The following FAT3 variants were observed in gnomAD, a reference collection of about 807,000 sequenced individuals.
FAT3 encodes FAT atypical cadherin 3.
Under a neutral mutation model 310.2 loss-of-function variants are expected in FAT3, and 95 were observed. That is an observed-to-expected ratio of 0.31 (90% CI 0.26 to 0.36). The LOEUF (loss-of-function observed/expected upper bound fraction) is 0.36, where lower values mean the gene tolerates loss of function less well. Ranked by LOEUF, FAT3 falls within the 10% of genes least tolerant of loss-of-function variation. The pLI is 1.00. For missense variants in FAT3, 5,408 were observed against 5,715.6 expected (o/e 0.95, Z 1.74); for synonymous variants, 2,314 against 2,192.9 (o/e 1.06, Z -1.54).
intron 6 of FAT3, among the ~76,000 whole-genome samples, chr11:92,771,329 A>G (rs543196797): frequency 9.9e-5 from 15 of 152,272 alleles, no homozygotes; most frequent in Non-Finnish European, 1.9e-4. Flanking sequence ...TTCCTATGAA[A>G]CTGAAATCAC....
At chr11:92,721,716 C>T (rs186048385) in intron 4 of FAT3, among the ~76,000 whole-genome samples, 1 of 152,218 alleles carries the variant, frequency 6.6e-6, no homozygotes, top group African/African-American at 2.4e-5. Flanking sequence ...ATAACTGAGA[C>T]TGGGCAATTT....
chr11:92,891,344 A>G lies in FAT3; in HGVS notation c.*231A>G. On this transcript the variant is annotated 3_prime_UTR_variant, in exon 28 of 28. Transcript: ENST00000525166. ...AGAGGTGACTGGTAATCCTTGATGT[A>G]GGTACCTATGTTCACAGCTAAAAAT... The G allele has an allele frequency of 3.4e-6, 2 of 588,586 alleles. No individual in the cohort carries two copies. The highest frequency in any genetic ancestry group is 3.7e-5 in the African/African-American group (2 of 53,604). 36.5% of individuals were successfully genotyped at this position (588,586 alleles called of 1,614,324 possible). A position where few individuals can be genotyped will look rare whatever the true frequency, so the allele number is the denominator to read the frequency against.
intron 2 of FAT3, among the ~76,000 whole-genome samples, chr11:92,464,064 G>A (rs574705231): frequency 7.2e-5 from 11 of 152,134 alleles, no homozygotes; most frequent in Non-Finnish European, 1.5e-4. Context: ...CAGATGCTGG[G>A]GATCCAAAGA....
chr11:92,524,568 T>G, intron 2 of FAT3, 66 bp from the exon 3 acceptor site: 1 of 1,489,040 alleles, frequency 6.7e-7, no homozygotes, highest in Non-Finnish European at 9.1e-7. Flanking sequence ...TCCTTTGGAA[T>G]TTGAGATTAT....
intron 2 of FAT3, among the ~76,000 whole-genome samples, chr11:92,423,193 C>T (rs1329538388): frequency 6.6e-6 from 1 of 152,108 alleles, no homozygotes; most frequent in Non-Finnish European, 1.5e-5. Context: ...CAGCAAAATA[C>T]ACTGGACAGC....
intron 2 of FAT3, among the ~76,000 whole-genome samples, chr11:92,471,904 C>T (rs1264775339): frequency 2.3e-5 from 3 of 127,708 alleles, no homozygotes; most frequent in African/African-American, 9.0e-5. Flanking sequence ...AAAGACCCTA[C>T]TTTTCATATG....
chr11:92,626,839 A>C (rs1318687223), intron 3 of FAT3, among the ~76,000 whole-genome samples: 1 of 152,110 alleles, frequency 6.6e-6, no homozygotes, highest in Non-Finnish European at 1.5e-5. Context: ...TGCTTATTCC[A>C]CTTCTCATGA....
At chr11:92,637,275 A>C (rs1941799018) in intron 3 of FAT3, among the ~76,000 whole-genome samples, 1 of 152,202 alleles carries the variant, frequency 6.6e-6, no homozygotes, top group Non-Finnish European at 1.5e-5. Flanking sequence ...GACTTCTTGC[A>C]TACTCTTTCT....
chr11:92,271,519 T>C (rs1946121743), intron 1 of FAT3, among the ~76,000 whole-genome samples: 1 of 152,166 alleles, frequency 6.6e-6, no homozygotes, highest in African/African-American at 2.4e-5. Flanking sequence ...AAATGGACTG[T>C]TTATATGTTG....
chr11:92,814,210 G>A (rs1719267810), intron 13 of FAT3, among the ~76,000 whole-genome samples: 1 of 152,180 alleles, frequency 6.6e-6, no homozygotes, highest in African/African-American at 2.4e-5. Context: ...GATTAAGACA[G>A]CCAGCGATTG....
At chr11:92,560,400 G>A (rs1955180406) in intron 3 of FAT3, among the ~76,000 whole-genome samples, 1 of 151,818 alleles carries the variant, frequency 6.6e-6, no homozygotes. Flanking sequence ...TTCTTGATAG[G>A]GGCATTTGAA....
chr11:92,752,557 T>A (rs1258413771), intron 4 of FAT3, among the ~76,000 whole-genome samples: 1 of 152,208 alleles, frequency 6.6e-6, no homozygotes, highest in East Asian at 1.9e-4. Flanking sequence ...CAGCCTAGGG[T>A]AGGGAGCCAA....
At chr11:92,880,974 CA>C in intron 23 of FAT3, 90 bp downstream of exon 23, 2 of 1,399,740 alleles carry the variant, frequency 1.4e-6, no homozygotes, top group Non-Finnish European at 9.8e-7. Context: ...AAATATTTAC[CA>C]CTAATAGTAC....
intron 2 of FAT3, among the ~76,000 whole-genome samples, chr11:92,450,777 C>G (rs1174359791): frequency 1.3e-5 from 2 of 152,236 alleles, no homozygotes; most frequent in East Asian, 1.9e-4. Flanking sequence ...TACTATGGAA[C>G]AGTTATAGAT....
intron 4 of FAT3, among the ~76,000 whole-genome samples, chr11:92,743,869 T>C (rs1945577335): frequency 6.6e-6 from 1 of 152,140 alleles, no homozygotes; most frequent in Non-Finnish European, 1.5e-5. Context: ...AGTTAGTACA[T>C]ACAGCCCCCT....
At chr11:92,377,394 C>A (rs560183829) in intron 2 of FAT3, among the ~76,000 whole-genome samples, 1 of 152,274 alleles carries the variant, frequency 6.6e-6, no homozygotes, top group East Asian at 1.9e-4. Flanking sequence ...CTTGTTCAGT[C>A]ACTAAGTTCT....
At chr11:92,666,971 TA>T (rs1385648081) in intron 3 of FAT3, among the ~76,000 whole-genome samples, 1 of 152,108 alleles carries the variant, frequency 6.6e-6, no homozygotes, top group Non-Finnish European at 1.5e-5. Flanking sequence ...CAATGGGGTC[TA>T]GTCGTGAGGA....
chr11:92,738,217 C>T (rs562051309), intron 4 of FAT3, among the ~76,000 whole-genome samples: 35 of 152,156 alleles, frequency 2.3e-4, no homozygotes, highest in African/African-American at 5.8e-4. Flanking sequence ...GGAAGAATTC[C>T]GTAATCACCT....
In FAT3 at chr11:92,891,332, AAT is replaced by A. The variant is rs1949915051; in HGVS notation, c.*220_*221del. The A allele has an allele frequency of 3.2e-6, 2 of 624,554 alleles. No homozygotes were observed. The highest frequency in any genetic ancestry group is 3.7e-5 in the African/African-American group (2 of 54,246). 38.7% of individuals were successfully genotyped at this position (624,554 alleles called of 1,614,324 possible). ...AAATTGTTTTTGAGAGGTGACTGGT[AAT>A]CCTTGATGTAGGTACCTATGTTCAC... On this transcript the variant is annotated 3_prime_UTR_variant, in exon 28 of 28. Coordinates refer to ENST00000525166, the MANE Select transcript of FAT3 (RefSeq NM_001367949.2).
Sources: gnomAD v4.1 joint callset for allele counts (sites outside exome capture counted in the v4.1 genomes callset) on GRCh38, gnomAD v4.1.1 for gene constraint, MANE v1.5 for transcripts, NCBI Gene and HGNC (gene_info 2026-07-23, HGNC 2026-07-21) for gene names.